MAP7D3: variants seen among roughly 807,000 people sequenced by gnomAD.
The protein encoded by MAP7D3 is MAP7 domain-containing protein 3.
Under a neutral mutation model 62.2 loss-of-function variants are expected in MAP7D3, and 45 were observed. The observed-to-expected ratio is 0.72, with a 90% confidence interval of 0.57 to 0.93. The LOEUF (loss-of-function observed/expected upper bound fraction) is 0.93, where lower values mean the gene tolerates loss of function less well. Among genes scored for constraint, MAP7D3 ranks in the 40% least tolerant of loss-of-function variants. The probability of loss-of-function intolerance (pLI) is 0.00; values close to 1 mark genes in which losing one functional copy is unlikely to be tolerated. For synonymous variants in MAP7D3, 288 were observed against 248.8 expected (o/e 1.16, Z -1.48); for missense variants, 711 against 683.1 (o/e 1.04, Z -0.45).
intron 1 of MAP7D3, among the ~76,000 whole-genome samples, chrX:136,248,546 T>C (rs370833882): frequency 8.9e-6 from 1 of 112,484 alleles, no homozygotes; most frequent in South Asian, 3.7e-4. Context: ...GGTATTTCTG[T>C]AGTCCTTATA....
At chrX:136,252,676 C>CAAAAAA (rs770751343), upstream of MAP7D3, among the ~76,000 whole-genome samples, 41 of 36,017 alleles carry the variant, frequency 1.1e-3, no homozygotes, top group South Asian at 2.6e-3. Context: ...GACTCTGTCT[C>CAAAAAA]AAAAAAAAAA....
At position 136,231,793 on chromosome X, in the gene MAP7D3, C is replaced by T. The variant is rs777114380; in HGVS notation, c.1164G>A (p.Ala388=). The change falls in exon 8 of 19, where the codon GCG becomes GCA. Residue 388 remains alanine, a synonymous_variant. Coordinates refer to ENST00000316077, the MANE Select transcript of MAP7D3 (RefSeq NM_024597.4). ...PKVSIVASPE[A]SLEAPPEVSL... is the part of the protein sequence containing the mutation. ...TCACTTCCGGGGGTGCTTCCAGGCT[C>T]GCCTCCGGGGATGCTACTATGCTCA... is the stretch of plus-strand genomic sequence containing the variant. The T allele has an allele frequency of 7.4e-6, 9 of 1,211,545 alleles. No homozygotes were observed. The highest frequency in any genetic ancestry group is 2.3e-4 in the Middle Eastern group (1 of 4,355).
intron 7 of MAP7D3, among the ~76,000 whole-genome samples, chrX:136,233,198 G>T (rs1476591062): frequency 9.1e-6 from 1 of 110,483 alleles, no homozygotes; most frequent in Middle Eastern, 4.7e-3. Flanking sequence ...AAAATATGAA[G>T]TTACCAGTGA....
At chrX:136,249,623 T>A (rs781286838) in intron 1 of MAP7D3, among the ~76,000 whole-genome samples, 1 of 112,256 alleles carries the variant, frequency 8.9e-6, no homozygotes, top group Non-Finnish European at 1.9e-5. Flanking sequence ...TTGACTGTGC[T>A]ATGCATTTAT....
At chrX:136,253,746 G>A (rs2074535998), upstream of MAP7D3, among the ~76,000 whole-genome samples, 2 of 111,712 alleles carry the variant, frequency 1.8e-5, no homozygotes, top group Admixed American at 1.9e-4. Context: ...CAGCACTTTG[G>A]GAGGCTGAGG....
chrX:136,254,009 G>A (rs756784684), upstream of MAP7D3, among the ~76,000 whole-genome samples: 17 of 109,443 alleles, frequency 1.6e-4, no homozygotes, highest in South Asian at 5.3e-3. Context: ...TTTGTCTCAC[G>A]AACACAAAAA....
chrX:136,227,135 TAATA>T, intron 12 of MAP7D3, 145 bp downstream of exon 12: 1 of 426,934 alleles, frequency 2.3e-6, no homozygotes, highest in Non-Finnish European at 3.6e-6. Flanking sequence ...ATCTCAAAAT[TAATA>T]AATAAATAAA....
intron 4 of MAP7D3, among the ~76,000 whole-genome samples, chrX:136,242,479 A>G (rs1399886830): frequency 1.8e-5 from 2 of 108,874 alleles, no homozygotes; most frequent in Non-Finnish European, 3.8e-5. Flanking sequence ...TCTGCTCTCC[A>G]GAATTCCTCT....
chrX:136,240,860 G>A (rs1050999692), intron 5 of MAP7D3, among the ~76,000 whole-genome samples: 142 of 112,313 alleles, frequency 1.3e-3, no homozygotes, highest in African/African-American at 4.4e-3. Flanking sequence ...AGACAAGGCA[G>A]ACTTATTTTT....
rs1192840300 is a variant in MAP7D3 at position 136,217,036 on chromosome X, G to C, written c.*1490C>G. On this transcript the variant is annotated 3_prime_UTR_variant, in exon 19 of 19. Coordinates refer to ENST00000316077, the MANE Select transcript of MAP7D3 (RefSeq NM_024597.4). The stretch of plus-strand genomic sequence containing the variant: ...CAATACTCTGAGTGGCAAAGAACCA[G>C]GGAATCTGAAAGAATTACCTCCTTT... The C allele has an allele frequency of 8.9e-6, 1 of 112,281 alleles. No homozygotes were observed. The highest frequency in any genetic ancestry group is 1.9e-5 in the Non-Finnish European group (1 of 53,196). The allele number at this position is 112,281 out of a possible 1,213,427, so 9.3% of individuals were successfully genotyped here. A position where few individuals can be genotyped will look rare whatever the true frequency, so the allele number is the denominator to read the frequency against.
At position 136,225,970 on chromosome X, in the gene MAP7D3, C is replaced by G; in HGVS notation, c.2078G>C (p.Arg693Pro). 1.7e-6 allele frequency: 2 copies of G among 1,204,667 alleles called. No individual in the cohort carries two copies. Among genetic ancestry groups the G allele is most frequent in the East Asian group, 3.0e-5 (1 of 33,663 alleles). ...KIKAQEEADK[R>P]KKEHERIMLQ... is the part of the protein sequence containing the mutation. ...CATAATTCTCTCGTGTTCTTTCTTG[C>G]GTTTGTCAGCTTCCTCTTGAGCTTT... The change falls in exon 13 of 19, where the codon CGC becomes CCC. Residue 693 changes from arginine to proline, a missense_variant. Physicochemically the swap from Arg to Pro is moderately radical, Grantham distance 103. Coordinates refer to ENST00000316077, the MANE Select transcript of MAP7D3 (RefSeq NM_024597.4).
chrX:136,256,362 C>T (rs1004664323), upstream of MAP7D3: 24 of 1,133,199 alleles, frequency 2.1e-5, no homozygotes, highest in Non-Finnish European at 2.8e-5. Context: ...CTGGAATTCC[C>T]ACTGCAGCAC....
At chrX:136,241,689 A>T (rs2074391901) in intron 4 of MAP7D3, among the ~76,000 whole-genome samples, 1 of 110,898 alleles carries the variant, frequency 9.0e-6, no homozygotes, top group Admixed American at 9.8e-5. Flanking sequence ...TGTATTTTTA[A>T]GTCACCTTAA....
At chrX:136,223,401 A>C (rs993196358) in intron 14 of MAP7D3, among the ~76,000 whole-genome samples, 1 of 111,063 alleles carries the variant, frequency 9.0e-6, no homozygotes, top group African/African-American at 3.3e-5. Context: ...AATAATGATG[A>C]AACAGACCAC....
intron 11 of MAP7D3, among the ~76,000 whole-genome samples, chrX:136,228,177 T>C (rs1225594195): frequency 8.9e-6 from 1 of 112,113 alleles, no homozygotes; most frequent in Non-Finnish European, 1.9e-5. Context: ...ACTGGCCTGA[T>C]GAGACACAGG....
At position 136,241,151 on chromosome X, in the gene MAP7D3, A is replaced by T; in HGVS notation, c.535+9T>A. ...AACAAACTTAAAATTTAATGGGTGTATTAATTACCAGTTTTGCTCTCAGAA... is the reference window on the plus strand; with the variant it reads ...AACAAACTTAAAATTTAATGGGTGTTTTAATTACCAGTTTTGCTCTCAGAA... On this transcript the variant is annotated intron_variant, in intron 5 of 18. Coordinates refer to ENST00000316077, the MANE Select transcript of MAP7D3 (RefSeq NM_024597.4). 1 of 1,000,512 alleles carries T rather than the reference A, an allele frequency of 1.0e-6. No individual in the cohort carries two copies. The highest frequency in any genetic ancestry group is 1.4e-6 in the Non-Finnish European group (1 of 708,217). 82.5% of individuals were successfully genotyped at this position (1,000,512 alleles called of 1,213,427 possible).
At chrX:136,222,667 C>A (rs1050732983) in intron 14 of MAP7D3, among the ~76,000 whole-genome samples, 181 bp from the exon 15 acceptor site, 3 of 111,049 alleles carry the variant, frequency 2.7e-5, no homozygotes, top group African/African-American at 9.8e-5. Context: ...GGGACAGGTG[C>A]CCGTAGCTGC....
upstream of MAP7D3, among the ~76,000 whole-genome samples, chrX:136,253,268 A>G (rs2074532976): frequency 8.9e-6 from 1 of 112,306 alleles, no homozygotes; most frequent in South Asian, 3.7e-4. Flanking sequence ...ACACACACAC[A>G]TACACAAACA....
chrX:136,247,219 G>A (rs1395253576), intron 1 of MAP7D3, among the ~76,000 whole-genome samples: 1 of 112,098 alleles, frequency 8.9e-6, no homozygotes, highest in South Asian at 3.7e-4. Context: ...AAAATTCCAG[G>A]ATGACACACA....
Sources: gnomAD v4.1 joint callset for allele counts (sites outside exome capture counted in the v4.1 genomes callset) on GRCh38, gnomAD v4.1.1 for gene constraint, MANE v1.5 for transcripts, NCBI Gene and HGNC (gene_info 2026-07-23, HGNC 2026-07-21) for gene names.